RELN: variants seen among roughly 807,000 people sequenced by gnomAD.
RELN encodes reelin.
RELN carries 108 observed loss-of-function variants against 427.6 expected under a neutral mutation model. The observed-to-expected ratio is 0.25, with a 90% CI of 0.22 to 0.30. The LOEUF is 0.30. Ranked by LOEUF, RELN falls within the 10% of genes least tolerant of loss-of-function variation. RELN has a pLI of 1.00. For synonymous variants in RELN, 1,524 were observed against 1,513.4 expected (o/e 1.01, Z -0.16); for missense variants, 3,715 against 4,302.8 (o/e 0.86, Z 3.82).
chr7:103,899,917 T>C (rs567280894), intron 2 of RELN, among the ~76,000 whole-genome samples: 4 of 152,130 alleles, frequency 2.6e-5, no homozygotes, highest in Non-Finnish European at 5.9e-5. Context: ...TCACCACTCC[T>C]ATTCAACACA....
intron 27 of RELN, among the ~76,000 whole-genome samples, chr7:103,590,680 A>G (rs149069544): frequency 1.9e-4 from 29 of 152,324 alleles, no homozygotes; most frequent in African/African-American, 7.0e-4. Context: ...TGATCCAGAA[A>G]TGAAACTGTT....
At chr7:103,482,781 A>G in intron 63 of RELN, 92 bp downstream of exon 63, 2 of 1,598,736 alleles carry the variant, frequency 1.3e-6, no homozygotes, top group Non-Finnish European at 1.7e-6. Flanking sequence ...TCTCATCAAA[A>G]ACGGATCTTA....
chr7:103,656,606 G>A (rs1833028432), intron 12 of RELN, among the ~76,000 whole-genome samples: 1 of 152,032 alleles, frequency 6.6e-6, no homozygotes, highest in African/African-American at 2.4e-5. Flanking sequence ...ATGACACACT[G>A]TTTTTATGTT....
At position 103,539,222 on chromosome 7, in the gene RELN, C is replaced by A; in HGVS notation, c.7036G>T (p.Val2346Leu). 1.2e-6 allele frequency: 2 copies of A among 1,614,230 alleles called. No homozygotes were observed. The highest frequency in any genetic ancestry group is 1.7e-6 in the Non-Finnish European group (2 of 1,180,042). ...AGGGCATCACCAGTAGAGCCACACA[C>A]GGGCATCTTGGTGCCTCCTGGGTGA... ...LLHPGGTKMP[V>L]CGSTGDALVF... The change falls in exon 45 of 65, where the codon GTG becomes TTG. Residue 2346 changes from valine (V) to leucine (L), a missense_variant. Around this residue, in one of 4 missense-constraint regions of RELN, gnomAD observed 1,310 missense variants for 1,643.0 expected, o/e 0.80. Transcript: ENST00000428762.
chr7:103,532,259 CA>C (rs1166395145), intron 46 of RELN, among the ~76,000 whole-genome samples: 1 of 151,962 alleles, frequency 6.6e-6, no homozygotes, highest in East Asian at 1.9e-4. Context: ...CATGGACACA[CA>C]AGGGGGGAAC....
intron 2 of RELN, among the ~76,000 whole-genome samples, chr7:103,901,970 A>T (rs1795092917): frequency 6.6e-6 from 1 of 152,058 alleles, no homozygotes; most frequent in Non-Finnish European, 1.5e-5. Context: ...TTTATATTGC[A>T]GTACTATTTT....
intron 1 of RELN, among the ~76,000 whole-genome samples, chr7:103,927,901 G>C (rs1795781238): frequency 1.3e-5 from 2 of 152,138 alleles, no homozygotes; most frequent in South Asian, 4.1e-4. Flanking sequence ...AAGGGACTTT[G>C]CAAAGGACTA....
Position 103,594,488 on chromosome 7 carries a change from C to A in RELN, c.3544G>T (p.Val1182Phe). 1 of 1,612,326 alleles carries A rather than the reference C, an allele frequency of 6.2e-7. No homozygotes were observed. The highest frequency in any genetic ancestry group is 1.3e-5 in the African/African-American group (1 of 74,724). ...GCAGCAGCTGGAAGCTCCAGATAGA[C>A]AAATCTGAATAAAAGTAAATCATTT... ...YFSDFSKPRF[V>F]YLELPAAAKT... is the part of the protein sequence containing the mutation. Residue 1182 changes from valine to phenylalanine, a missense_variant, in exon 26 of 65, where the codon GTC becomes TTC. By Grantham distance (50) the Val-to-Phe change is conservative. Transcript: ENST00000428762.
intron 2 of RELN, among the ~76,000 whole-genome samples, chr7:103,851,134 T>C (rs1234116434): frequency 6.6e-6 from 1 of 152,192 alleles, no homozygotes; most frequent in Non-Finnish European, 1.5e-5. Flanking sequence ...CATATATATA[T>C]GATGGAATAC....
intron 4 of RELN, among the ~76,000 whole-genome samples, chr7:103,756,878 G>C (rs28517664): frequency 6.6e-6 from 1 of 152,106 alleles, no homozygotes; most frequent in African/African-American, 2.4e-5. Context: ...TCCTGAAAAA[G>C]ATTCACGCAT....
chr7:103,731,411 G>T (rs1294887738), intron 6 of RELN, among the ~76,000 whole-genome samples: 2 of 152,106 alleles, frequency 1.3e-5, no homozygotes, highest in African/African-American at 4.8e-5. Context: ...GGCTTCATGT[G>T]CTGTTTACCA....
At chr7:103,537,148 A>C (rs1330738775) in intron 45 of RELN, among the ~76,000 whole-genome samples, 1 of 152,152 alleles carries the variant, frequency 6.6e-6, no homozygotes, top group East Asian at 1.9e-4. Context: ...CACAATTTAG[A>C]AGTTATTTTA....
At chr7:103,889,006 G>A (rs1037446525) in intron 2 of RELN, among the ~76,000 whole-genome samples, 4 of 152,184 alleles carry the variant, frequency 2.6e-5, no homozygotes, top group Admixed American at 2.0e-4. Context: ...TCAACATGCA[G>A]AGGACTCATG....
intron 58 of RELN, 79 bp downstream of exon 58, chr7:103,491,852 TCTCTCACACACACACACACACA>T (rs1414887930): frequency 1.2e-3 from 541 of 439,196 alleles, no homozygotes; most frequent in South Asian, 5.6e-3. Flanking sequence ...TCTCTCTCTC[TCTCTCACACACACACACACACA>T]CACACACACA....
chr7:103,882,842 G>A (rs549325640), intron 2 of RELN, among the ~76,000 whole-genome samples: 12 of 152,226 alleles, frequency 7.9e-5, no homozygotes, highest in African/African-American at 2.6e-4. Flanking sequence ...ATTCACAGCC[G>A]AATTCTACCA....
At chr7:103,592,753 C>T (rs1831448398) in intron 27 of RELN, among the ~76,000 whole-genome samples, 1 of 152,152 alleles carries the variant, frequency 6.6e-6, no homozygotes, top group Non-Finnish European at 1.5e-5. Context: ...AGATGAGAAA[C>T]AGCATAGTGT....
Position 103,498,145 on chromosome 7 carries a change from A to C in RELN, c.8775T>G (p.Thr2925=). 6.2e-7 allele frequency: 1 copy of C among 1,614,174 alleles called. No homozygotes were observed. The highest frequency in any genetic ancestry group is 8.5e-7 in the Non-Finnish European group (1 of 1,180,008). Reference sequence around the variant, plus strand: ...CAGTGGATCCCCCAAAATAGAGTGCAGTGTCCTCGGCAAGAATTCCACACT... The same window carrying C: ...CAGTGGATCCCCCAAAATAGAGTGCCGTGTCCTCGGCAAGAATTCCACACT... ...CTECGILAED[T]ALYFGGSTVR... The change falls in exon 54 of 65, where the codon ACT becomes ACG. Residue 2925 remains threonine (T), a synonymous_variant. Coordinates refer to ENST00000428762, the MANE Select transcript of RELN (RefSeq NM_005045.4).
In RELN at chr7:103,989,575, G is replaced by C. The variant is rs1397182830; in HGVS notation, c.-219C>G. On this transcript the variant is annotated 5_prime_UTR_variant, in exon 1 of 65. Coordinates refer to ENST00000428762, the MANE Select transcript of RELN (RefSeq NM_005045.4). The surrounding 1 kb of genome is among the most constrained non-coding windows in gnomAD (Gnocchi z 4.9). ...CTTTGGGCCGCGGGAGCGCGGGACC[G>C]GGGCTGCGGGCGCCGAGAGCGCGTC... 2.4e-6 allele frequency: 1 copy of C among 411,380 alleles called. No individual in the cohort carries two copies. Among genetic ancestry groups the C allele is most frequent in the Non-Finnish European group, 4.1e-6 (1 of 242,532 alleles). 25.5% of individuals were successfully genotyped at this position (411,380 alleles called of 1,614,324 possible). A position where few individuals can be genotyped will look rare whatever the true frequency, so the allele number is the denominator to read the frequency against.
chr7:103,811,134 T>G (rs2116339787), intron 3 of RELN, among the ~76,000 whole-genome samples: 1 of 152,362 alleles, frequency 6.6e-6, no homozygotes, highest in South Asian at 2.1e-4. Flanking sequence ...ATGTAACTAC[T>G]TAAGGCATAT....
Sources: allele counts gnomAD v4.1 joint callset (sites outside exome capture counted in the v4.1 genomes callset), GRCh38; gene constraint gnomAD v4.1.1; regional missense constraint gnomAD v4.1.1; non-coding constraint Gnocchi (gnomAD v3.1); transcripts MANE v1.5; gene names NCBI Gene and HGNC (gene_info 2026-07-23, HGNC 2026-07-21).